The following ZNF385D variants were observed in gnomAD, a reference collection of about 807,000 sequenced individuals.
The protein encoded by ZNF385D is zinc finger protein 385D, also known as zinc finger protein 659.
In ZNF385D, 15 loss-of-function variants were observed where a neutral mutation model predicts 35.8. That is an observed-to-expected ratio of 0.42 (90% CI 0.28 to 0.64). The LOEUF (loss-of-function observed/expected upper bound fraction) is 0.64, where lower values mean the gene tolerates loss of function less well. Ranked by LOEUF, ZNF385D falls within the 30% of genes least tolerant of loss-of-function variation. The pLI, the probability that ZNF385D is intolerant of heterozygous loss-of-function variation, is 0.23. For missense variants in ZNF385D, 474 were observed against 494.6 expected (o/e 0.96, Z 0.39); for synonymous variants, 212 against 186.8 (o/e 1.13, Z -1.10).
intron 2 of ZNF385D, among the ~76,000 whole-genome samples, chr3:22,200,681 G>C (rs1696728002): frequency 6.6e-6 from 1 of 152,020 alleles, no homozygotes; most frequent in Admixed American, 6.6e-5. Flanking sequence ...GAGCACTATG[G>C]GAGACTGGGG....
At chr3:22,000,598 T>C (rs913559089) in intron 3 of ZNF385D, among the ~76,000 whole-genome samples, 19 of 149,290 alleles carry the variant, frequency 1.3e-4, no homozygotes, top group Non-Finnish European at 2.6e-4. Context: ...TAAACTTCCT[T>C]TCACTTTGAA....
chr3:22,275,825 C>T (rs1471848451), intron 2 of ZNF385D, among the ~76,000 whole-genome samples: 1 of 152,180 alleles, frequency 6.6e-6, no homozygotes, highest in Non-Finnish European at 1.5e-5. Context: ...TGGCTCACGC[C>T]TGTAATCCCT....
intron 2 of ZNF385D, among the ~76,000 whole-genome samples, chr3:22,222,872 C>A (rs1431171334): frequency 1.3e-5 from 2 of 152,058 alleles, no homozygotes; most frequent in Non-Finnish European, 2.9e-5. Context: ...TAATAAAAAT[C>A]TTGAAACTCG....
intron 3 of ZNF385D, among the ~76,000 whole-genome samples, chr3:22,089,747 C>G (rs955440066): frequency 6.6e-6 from 1 of 152,146 alleles, no homozygotes; most frequent in South Asian, 2.1e-4. Flanking sequence ...ATAGTTGTTT[C>G]CTGTATATGC....
chr3:22,111,131 C>T (rs991914780), intron 3 of ZNF385D, among the ~76,000 whole-genome samples: 16 of 134,218 alleles, frequency 1.2e-4, no homozygotes, highest in African/African-American at 4.1e-4. Flanking sequence ...AAAGCAGTAA[C>T]ATATTGAGGC....
At chr3:21,767,060 AC>A (rs977353699) in intron 3 of ZNF385D, among the ~76,000 whole-genome samples, 6 of 145,758 alleles carry the variant, frequency 4.1e-5, no homozygotes, top group South Asian at 2.3e-4. Context: ...TGTGCGTACA[AC>A]CCCCCCACCC....
At chr3:21,650,832 T>C (rs184822775) in intron 2 of ZNF385D, among the ~76,000 whole-genome samples, 22 of 152,236 alleles carry the variant, frequency 1.4e-4, no homozygotes, top group Middle Eastern at 3.4e-3. Flanking sequence ...AGAGTGGAAG[T>C]TATTAAGTAA....
At chr3:22,006,591 T>C (rs1026913439) in intron 3 of ZNF385D, among the ~76,000 whole-genome samples, 5 of 151,690 alleles carry the variant, frequency 3.3e-5, no homozygotes, top group African/African-American at 1.2e-4. Context: ...CAATAAAGTA[T>C]CAAAAAGTTC....
chr3:22,173,607 C>G (rs1454426586), intron 2 of ZNF385D, among the ~76,000 whole-genome samples: 1 of 152,120 alleles, frequency 6.6e-6, no homozygotes, highest in African/African-American at 2.4e-5. Context: ...CTCTTTATCC[C>G]TTGCTCATTC....
chr3:21,444,377 G>A (rs1198784622), intron 4 of ZNF385D, among the ~76,000 whole-genome samples: 2 of 111,182 alleles, frequency 1.8e-5, no homozygotes, highest in Non-Finnish European at 3.4e-5. Flanking sequence ...ACAGCACCCG[G>A]CCTTTTTTTG....
chr3:21,761,083 G>A (rs1016704347), intron 3 of ZNF385D, among the ~76,000 whole-genome samples: 1 of 152,138 alleles, frequency 6.6e-6, no homozygotes, highest in African/African-American at 2.4e-5. Context: ...GAAGCCCTGT[G>A]AAGAGGTACA....
At chr3:21,725,188 T>C (rs6805906) in intron 1 of ZNF385D, among the ~76,000 whole-genome samples, 318 of 152,148 alleles carry the variant, frequency 2.1e-3, no homozygotes, top group African/African-American at 7.4e-3. Context: ...AAGCAGCGTG[T>C]AGAGGGAAAT....
intron 3 of ZNF385D, among the ~76,000 whole-genome samples, chr3:21,538,042 T>C (rs931953318): frequency 3.3e-5 from 5 of 151,994 alleles, no homozygotes; most frequent in African/African-American, 2.4e-5. Context: ...TTCTGTAAGA[T>C]TGAATCTAGT....
chr3:21,796,735 A>ATGAGGCTCAAAGAG (rs780408209), intron 3 of ZNF385D, among the ~76,000 whole-genome samples: 3 of 152,182 alleles, frequency 2.0e-5, no homozygotes, highest in African/African-American at 7.2e-5. Context: ...GATAAGGAAA[A>ATGAGGCTCAAAGAG]TGAGGCTCAA....
chr3:21,835,303 C>T (rs1264159098), intron 3 of ZNF385D, among the ~76,000 whole-genome samples: 1 of 151,150 alleles, frequency 6.6e-6, no homozygotes, highest in African/African-American at 2.4e-5. Flanking sequence ...GTTCTTAGTA[C>T]CAAATAGGTA....
intron 2 of ZNF385D, among the ~76,000 whole-genome samples, chr3:22,176,310 T>A (rs1048648365): frequency 6.6e-6 from 1 of 152,142 alleles, no homozygotes; most frequent in African/African-American, 2.4e-5. Flanking sequence ...ATCTAAACTG[T>A]TTGTCACATG....
chr3:21,714,634 A>G (rs2068242063), intron 1 of ZNF385D, among the ~76,000 whole-genome samples: 1 of 152,120 alleles, frequency 6.6e-6, no homozygotes, highest in Non-Finnish European at 1.5e-5. Context: ...ACTGTGTCCT[A>G]TTAATTTTCC....
intron 3 of ZNF385D, among the ~76,000 whole-genome samples, chr3:22,010,539 G>C (rs764386191): frequency 3.9e-5 from 6 of 152,158 alleles, no homozygotes; most frequent in African/African-American, 9.7e-5. Flanking sequence ...TTTCAGTCTA[G>C]AGACTGCAAG....
At chr3:21,661,491 T>A (rs2066236629) in intron 2 of ZNF385D, among the ~76,000 whole-genome samples, 2 of 152,190 alleles carry the variant, frequency 1.3e-5, no homozygotes. Flanking sequence ...CCCTTTCTAA[T>A]ATTTCTTCCT....
Sources: allele counts gnomAD v4.1 joint callset (sites outside exome capture counted in the v4.1 genomes callset), GRCh38; gene constraint gnomAD v4.1.1; transcripts MANE v1.5; gene names NCBI Gene and HGNC (gene_info 2026-07-23, HGNC 2026-07-21).